Variants in PCDHGB1 observed in about 807,000 individuals in gnomAD.
PCDHGB1 encodes the protein protocadherin gamma-B1.
PCDHGB1 carries 34 observed loss-of-function variants against 56.6 expected under a neutral mutation model. The observed-to-expected ratio is 0.60, with a 90% confidence interval of 0.46 to 0.80. The LOEUF is 0.80. Ranked by LOEUF, PCDHGB1 falls within the 30% of genes least tolerant of loss-of-function variation. The pLI, the probability that PCDHGB1 is intolerant of heterozygous loss-of-function variation, is 0.00. For synonymous variants in PCDHGB1, 561 were observed against 505.9 expected, an observed-to-expected ratio of 1.11 and a Z score of -1.46; for missense variants, 1,278 against 1,204.6, an observed-to-expected ratio of 1.06 and a Z score of -0.90.
chr5:141,361,805 A>G, intron 1 of PCDHGB1: 1 of 1,613,138 alleles, frequency 6.2e-7, no homozygotes, highest in Non-Finnish European at 8.5e-7. Context: ...GACCTCAATG[A>G]CAATGCGCCA....
chr5:141,424,699 G>A (rs185769714), intron 1 of PCDHGB1: 222 of 152,060 alleles, frequency 1.5e-3, no homozygotes, highest in African/African-American at 5.2e-3. Flanking sequence ...CTATTTTTTT[G>A]TTCATTTTCA....
rs201087525 is a variant in PCDHGB1, at chr5:141,351,221, G to T, written c.961G>T (p.Gly321Ter). The T allele has an allele frequency of 1.2e-6, 2 of 1,614,012 alleles. No individual in the cohort carries two copies. Among genetic ancestry groups the T allele is most frequent in the East Asian group, 4.5e-5 (2 of 44,888 alleles). ...YVLSVEAKDG[G>*]VHTAHCNVQI... Reference sequence around the variant, plus strand: ...GTTGAGTGTGGAAGCTAAGGATGGAGGAGTACACACAGCTCACTGTAATGT... The same window carrying T: ...GTTGAGTGTGGAAGCTAAGGATGGATGAGTACACACAGCTCACTGTAATGT... The change falls in exon 1 of 4, where the codon GGA becomes TGA. Residue 321 changes from glycine to a stop codon, truncating the protein, a stop_gained. Coordinates refer to ENST00000523390, the MANE Select transcript of PCDHGB1 (RefSeq NM_018922.3). LOFTEE classifies it high-confidence loss of function.
rs778564034 is a variant in PCDHGB1 at position 141,384,738 on chromosome 5, GC to G, written c.2409+32071del. ...CATACCTCCTGCTTAAGGCCAGCGA[GC>G]CAGGACTCTTTGCGGTTGGGCTGTA... On this transcript the variant is annotated intron_variant, in intron 1 of 3. Coordinates refer to ENST00000523390, the MANE Select transcript of PCDHGB1 (RefSeq NM_018922.3). 10 of 1,614,098 alleles carry G rather than the reference GC, an allele frequency of 6.2e-6. No individual in the cohort carries two copies. The East Asian group carries it at 2.2e-4, about 36-fold the overall frequency.
chr5:141,476,666 G>T lies in PCDHGB1; in HGVS notation c.2410-18141G>T. 9 of 1,614,246 alleles carry T rather than the reference G, an allele frequency of 5.6e-6. No homozygotes were observed. Among genetic ancestry groups the T allele is most frequent in the Non-Finnish European group, 7.6e-6 (9 of 1,180,044 alleles). ...CCGAAATGAATACTTTGCGCTTCGC[G>T]TGCAGACGCGGGAGGACAGCACCAA... On this transcript the variant is annotated intron_variant, in intron 1 of 3. Transcript: ENST00000523390. This position sits in a 1 kb window ranked among gnomAD's most constrained non-coding sequence, Gnocchi z 7.6.
In PCDHGB1 at chr5:141,485,251, C is replaced by T. The variant is rs748522322; in HGVS notation, c.2410-9556C>T. 7 of 1,614,092 alleles carry T rather than the reference C, an allele frequency of 4.3e-6. No individual in the cohort carries two copies. In the South Asian group the frequency reaches 6.6e-5, roughly 15 times the overall value. On this transcript the variant is annotated intron_variant, in intron 1 of 3. Transcript: ENST00000523390. This position sits in a 1 kb window ranked among gnomAD's most constrained non-coding sequence, Gnocchi z 5.7. The stretch of plus-strand genomic sequence containing the variant: ...TGTTCCTCTTTTACCACCTGGGTTA[C>T]GTTTGTGGGCAGATCCGCTACCCGG...
chr5:141,464,907 T>A lies in PCDHGB1; in HGVS notation c.2410-29900T>A, dbSNP rs187725683. On this transcript the variant is annotated intron_variant, in intron 1 of 3. Transcript: ENST00000523390. ...ATGGATGCCACCATGTCCAGCTAAT[T>A]TTTTTATTTTTTTGTAGAGATGTGA... 4.5e-3 allele frequency among the ~76,000 whole-genome samples: 687 copies of A among 152,148 alleles called. 4 individuals are homozygous for A. Among genetic ancestry groups the A allele is most frequent in the African/African-American group, 0.015 (630 of 41,510 alleles).
At chr5:141,362,128 G>A (rs1359609195) in intron 1 of PCDHGB1, 1 of 1,613,900 alleles carries the variant, frequency 6.2e-7, no homozygotes, top group African/African-American at 1.3e-5. Context: ...CCTAATCTTC[G>A]CGGATAGCCT....
chr5:141,398,135 G>C, intron 1 of PCDHGB1: 1 of 1,556,792 alleles, frequency 6.4e-7, no homozygotes, highest in Non-Finnish European at 8.6e-7. Context: ...GGGATGGGGA[G>C]CGGCGCCGGG....
chr5:141,451,716 T>C (rs947058540), intron 1 of PCDHGB1, among the ~76,000 whole-genome samples: 1 of 152,092 alleles, frequency 6.6e-6, no homozygotes, highest in Non-Finnish European at 1.5e-5. Context: ...ACCCTGCCTC[T>C]ACTAAAAATA....
At chr5:141,428,064 G>C in intron 1 of PCDHGB1, 1 of 1,609,060 alleles carries the variant, frequency 6.2e-7, no homozygotes, top group East Asian at 2.2e-5. Flanking sequence ...GGCGGTGGAC[G>C]CAGATTCGGG....
intron 1 of PCDHGB1, among the ~76,000 whole-genome samples, chr5:141,494,146 T>C (rs1167835696): frequency 1.3e-5 from 2 of 152,168 alleles, no homozygotes; most frequent in Non-Finnish European, 2.9e-5. Context: ...TCACAGACCA[T>C]TGTCTGGCAC....
intron 1 of PCDHGB1, chr5:141,374,279 A>G: frequency 6.2e-7 from 1 of 1,614,000 alleles, no homozygotes; most frequent in Non-Finnish European, 8.5e-7. Context: ...CGGAGTCCGC[A>G]TCGTCTCCAG....
chr5:141,479,021 T>C (rs72790064), intron 1 of PCDHGB1, among the ~76,000 whole-genome samples: 1,892 of 152,352 alleles, frequency 0.012, 20 homozygotes, highest in Non-Finnish European at 0.018. Context: ...TAATTTTCCT[T>C]TGTTTATACA....
Position 141,487,650 on chromosome 5 carries a change from G to A in PCDHGB1, c.2410-7157G>A. On this transcript the variant is annotated intron_variant, in intron 1 of 3. Transcript: ENST00000523390. The surrounding 1 kb of genome is among the most constrained non-coding windows in gnomAD (Gnocchi z 5.0). ...TTGCAGGCTCAACAAATGCTTGAGGGTTATTCTGATCCAGGCATATGGCTA... is the reference window on the plus strand; with the variant it reads ...TTGCAGGCTCAACAAATGCTTGAGGATTATTCTGATCCAGGCATATGGCTA... 1 of 1,613,994 alleles carries A rather than the reference G, an allele frequency of 6.2e-7. No individual in the cohort carries two copies. Among genetic ancestry groups the A allele is most frequent in the Non-Finnish European group, 8.5e-7 (1 of 1,179,954 alleles).
intron 3 of PCDHGB1, 99 bp from the exon 4 acceptor site, chr5:141,510,848 G>A: frequency 6.3e-7 from 1 of 1,596,080 alleles, no homozygotes. Flanking sequence ...TCAAGGCCCA[G>A]GGTGCTGTAT....
chr5:141,468,131 C>G (rs1006565854), intron 1 of PCDHGB1, among the ~76,000 whole-genome samples: 1 of 151,766 alleles, frequency 6.6e-6, no homozygotes, highest in African/African-American at 2.4e-5. Flanking sequence ...TTGAGACCAG[C>G]CTGGCCAACA....
chr5:141,389,443 A>G (rs2091769935), intron 1 of PCDHGB1: 1 of 1,610,442 alleles, frequency 6.2e-7, no homozygotes, highest in Non-Finnish European at 8.5e-7. Context: ...GCCTTCGACC[A>G]CGAGCAGCTG....
intron 1 of PCDHGB1, among the ~76,000 whole-genome samples, chr5:141,474,705 A>C (rs114026580): frequency 0.01 from 1,561 of 152,324 alleles, 35 homozygotes; most frequent in African/African-American, 0.035. Context: ...TCAAGGTTCT[A>C]TTATACTTCA....
intron 1 of PCDHGB1, among the ~76,000 whole-genome samples, chr5:141,472,280 A>G (rs988007394): frequency 6.6e-6 from 1 of 152,276 alleles, no homozygotes; most frequent in African/African-American, 2.4e-5. Context: ...AGTGGCTCAC[A>G]CCTGTAATCC....
Sources: allele counts gnomAD v4.1 joint callset (sites outside exome capture counted in the v4.1 genomes callset), GRCh38; gene constraint gnomAD v4.1.1; non-coding constraint Gnocchi (gnomAD v3.1); transcripts MANE v1.5; gene names NCBI Gene and HGNC (gene_info 2026-07-23, HGNC 2026-07-21).